The following CRYBG1 variants were observed in gnomAD, a reference collection of about 807,000 sequenced individuals.
CRYBG1 encodes the protein beta/gamma crystallin domain-containing protein 1.
A neutral mutation model predicts 189.2 loss-of-function variants in CRYBG1; 139 were observed. The ratio of observed to expected loss-of-function variants is 0.73; its 90% CI spans 0.64 to 0.85. CRYBG1 has a LOEUF of 0.85. CRYBG1 is among the 40% of genes least tolerant of loss of function. The probability of loss-of-function intolerance (pLI) is 0.00; values close to 1 mark genes in which losing one functional copy is unlikely to be tolerated. For synonymous variants in CRYBG1, 1,023 were observed against 1,017.1 expected (o/e 1.01, Z -0.11); for missense variants, 2,611 against 2,675.8 (o/e 0.98, Z 0.53).
At chr6:106,530,429 T>A in intron 8 of CRYBG1, 114 bp downstream of exon 8, 1 of 1,026,866 alleles carries the variant, frequency 9.7e-7, no homozygotes, top group Non-Finnish European at 1.4e-6. Context: ...AAGTAATTAT[T>A]AACTGTAAGG....
intron 4 of CRYBG1, among the ~76,000 whole-genome samples, chr6:106,524,748 C>T (rs1582817642): frequency 6.6e-6 from 1 of 152,224 alleles, no homozygotes; most frequent in South Asian, 2.1e-4. Flanking sequence ...TCAGCTCTTT[C>T]TAGGTAAGTG....
chr6:106,541,303 T>A, intron 9 of CRYBG1: 1 of 575,154 alleles, frequency 1.7e-6, no homozygotes, highest in Non-Finnish European at 3.4e-6. Context: ...GAAGTATGGA[T>A]TTTTATGATA....
At chr6:106,525,911 C>A (rs1157949526) in intron 6 of CRYBG1, among the ~76,000 whole-genome samples, 3 of 152,180 alleles carry the variant, frequency 2.0e-5, no homozygotes, top group African/African-American at 7.2e-5. Flanking sequence ...GCAGCACTAA[C>A]TTAAAATTTA....
intron 19 of CRYBG1, 61 bp from the exon 20 acceptor site, chr6:106,561,281 C>T: frequency 6.5e-7 from 1 of 1,548,530 alleles, no homozygotes; most frequent in African/African-American, 1.4e-5. Context: ...GATATTCATG[C>T]TTGTTCAGTG....
intron 21 of CRYBG1, among the ~76,000 whole-genome samples, chr6:106,566,442 C>G (rs906811431): frequency 1.4e-5 from 2 of 141,856 alleles, no homozygotes; most frequent in East Asian, 4.2e-4. Context: ...ATCTCAGTAT[C>G]TAGCACGGTA....
At chr6:106,517,499 T>C (rs112236314) in intron 3 of CRYBG1, among the ~76,000 whole-genome samples, 21 of 147,172 alleles carry the variant, frequency 1.4e-4, no homozygotes, top group Middle Eastern at 3.5e-3. Flanking sequence ...CACACACACA[T>C]ATATATATAT....
At chr6:106,564,388 C>CA (rs1774814981) in intron 21 of CRYBG1, among the ~76,000 whole-genome samples, 2 of 152,228 alleles carry the variant, frequency 1.3e-5, no homozygotes, top group Admixed American at 6.5e-5. Flanking sequence ...CGTGACCTTT[C>CA]ATTGAAAAGA....
chr6:106,476,493 A>G (rs1461227816), intron 2 of CRYBG1, among the ~76,000 whole-genome samples: 2 of 152,190 alleles, frequency 1.3e-5, no homozygotes, highest in Non-Finnish European at 2.9e-5. Context: ...ATACACTTTG[A>G]CTCATACTCT....
intron 8 of CRYBG1, among the ~76,000 whole-genome samples, chr6:106,535,651 C>T (rs148836148): frequency 3.1e-4 from 47 of 152,216 alleles, no homozygotes; most frequent in African/African-American, 1.1e-3. Flanking sequence ...ATTTTCAAAT[C>T]AGGATCCAAT....
intron 17 of CRYBG1, among the ~76,000 whole-genome samples, chr6:106,556,653 GA>G (rs1774554159): frequency 1.3e-5 from 2 of 152,162 alleles, no homozygotes. Flanking sequence ...TTAAAGTCTG[GA>G]AGTATCTGTC....
Position 106,360,764 on chromosome 6 carries a change from T to TC in CRYBG1, c.-139dup, listed in dbSNP as rs1166126000. ...GTGCTGGTTCTGCAACCCGCGGCCG[T>TC]CCCCCCGCATCCGCGACGAGGGGGC... On this transcript the variant is annotated 5_prime_UTR_variant, in exon 1 of 22. Coordinates refer to ENST00000633556, the MANE Select transcript of CRYBG1 (RefSeq NM_001371242.2). 5 of 941,022 alleles carry TC rather than the reference T, an allele frequency of 5.3e-6. No homozygotes were observed. Among genetic ancestry groups the TC allele is most frequent in the Non-Finnish European group, 7.5e-6 (5 of 666,786 alleles). The allele number at this position is 941,022 out of a possible 1,614,324, so 58.3% of individuals were successfully genotyped here. A position where few individuals can be genotyped will look rare whatever the true frequency, so the allele number is the denominator to read the frequency against.
intron 2 of CRYBG1, among the ~76,000 whole-genome samples, chr6:106,455,909 C>G (rs962299624): frequency 1.3e-5 from 2 of 151,956 alleles, no homozygotes; most frequent in African/African-American, 4.8e-5. Flanking sequence ...CCTCTCCTTC[C>G]CCCTCAAAAC....
At chr6:106,567,210 C>T (rs1358593408) in intron 21 of CRYBG1, among the ~76,000 whole-genome samples, 1 of 151,780 alleles carries the variant, frequency 6.6e-6, no homozygotes, top group Admixed American at 6.6e-5. Flanking sequence ...GACTTTAATA[C>T]TTCCTGAAAT....
intron 8 of CRYBG1, among the ~76,000 whole-genome samples, chr6:106,533,484 A>G (rs1773920763): frequency 6.6e-6 from 1 of 152,244 alleles, no homozygotes; most frequent in Middle Eastern, 3.2e-3. Flanking sequence ...GTCTGTTCGT[A>G]TAGAAAATAG....
At position 106,568,904 on chromosome 6, in the gene CRYBG1, A is replaced by C. The variant is rs1774976498; in HGVS notation, c.*338A>C. 1 of 201,972 alleles carries C rather than the reference A, an allele frequency of 5.0e-6. No homozygotes were observed. The highest frequency in any genetic ancestry group is 2.3e-5 in the African/African-American group (1 of 43,372). The allele number at this position is 201,972 out of a possible 1,614,324, so 12.5% of individuals were successfully genotyped here. ...TACATTTTAAATTATTTCCAAAGAT[A>C]GTGACAGGAGAGAACTGGAACAAAT... On this transcript the variant is annotated 3_prime_UTR_variant, in exon 22 of 22. Coordinates refer to ENST00000633556, the MANE Select transcript of CRYBG1 (RefSeq NM_001371242.2).
intron 1 of CRYBG1, among the ~76,000 whole-genome samples, chr6:106,393,272 T>A (rs765072268): frequency 6.6e-6 from 1 of 152,162 alleles, no homozygotes; most frequent in African/African-American, 2.4e-5. Flanking sequence ...CATGAATCAA[T>A]GATGCACAGG....
At chr6:106,371,183 A>G (rs1454912463) in intron 1 of CRYBG1, among the ~76,000 whole-genome samples, 3 of 152,220 alleles carry the variant, frequency 2.0e-5, no homozygotes, top group East Asian at 3.8e-4. Flanking sequence ...GACACGTAAT[A>G]TAGTGTATTC....
chr6:106,497,475 T>C (rs576497769), intron 2 of CRYBG1, among the ~76,000 whole-genome samples: 66 of 152,330 alleles, frequency 4.3e-4, no homozygotes, highest in African/African-American at 1.5e-3. Flanking sequence ...GCCTTCCCCC[T>C]GCACCCCTTA....
rs1461858630 is a variant in CRYBG1, at chr6:106,553,440, T to C, written c.5473-15T>C. Reference sequence around the variant, plus strand: ...AGGAAAATAATTTTATGTGTTTCTGTTTACTTTTTCAAAGATTCACTTGTT... The same window carrying C: ...AGGAAAATAATTTTATGTGTTTCTGCTTACTTTTTCAAAGATTCACTTGTT... On this transcript the variant is annotated splice_polypyrimidine_tract_variant and intron_variant, in intron 15 of 21. Coordinates refer to ENST00000633556, the MANE Select transcript of CRYBG1 (RefSeq NM_001371242.2). 1 of 1,549,218 alleles carries C rather than the reference T, an allele frequency of 6.5e-7. No individual in the cohort carries two copies. Among genetic ancestry groups the C allele is most frequent in the Non-Finnish European group, 8.9e-7 (1 of 1,121,516 alleles).
Sources: gnomAD v4.1 joint callset for allele counts (sites outside exome capture counted in the v4.1 genomes callset) on GRCh38, gnomAD v4.1.1 for gene constraint, MANE v1.5 for transcripts, NCBI Gene and HGNC (gene_info 2026-07-23, HGNC 2026-07-21) for gene names.